JAM3: variants seen among roughly 807,000 people sequenced by gnomAD.
The protein encoded by JAM3 is junctional adhesion molecule 3.
A neutral mutation model predicts 39.4 loss-of-function variants in JAM3; 31 were observed. The ratio of observed to expected loss-of-function variants is 0.79; its 90% CI spans 0.59 to 1.06. JAM3 has a LOEUF of 1.06. Among genes scored for constraint, JAM3 ranks in the 50% least tolerant of loss-of-function variants. The pLI is 0.00. For missense variants in JAM3, 455 were observed against 391.4 expected (o/e 1.16, Z -1.37); for synonymous variants, 182 against 148.7 (o/e 1.22, Z -1.63).
At chr11:134,075,905 T>G (rs1201795904) in intron 1 of JAM3, among the ~76,000 whole-genome samples, 1 of 152,192 alleles carries the variant, frequency 6.6e-6, no homozygotes, top group African/African-American at 2.4e-5. Flanking sequence ...CCTTCAATAC[T>G]GTTAACCTCC....
At chr11:134,129,862 C>T (rs567472833) in intron 1 of JAM3, among the ~76,000 whole-genome samples, 6 of 152,130 alleles carry the variant, frequency 3.9e-5, no homozygotes, top group East Asian at 1.9e-4. Flanking sequence ...ATTAGCCGGG[C>T]GTGGTGGCAG....
At chr11:134,142,000 G>T (rs1012825722) in intron 3 of JAM3, among the ~76,000 whole-genome samples, 26 of 152,064 alleles carry the variant, frequency 1.7e-4, no homozygotes, top group African/African-American at 6.0e-4. Flanking sequence ...TCCCACTCAC[G>T]TGAAGTCCCT....
chr11:134,085,185 A>C (rs1941728362), intron 1 of JAM3, among the ~76,000 whole-genome samples: 1 of 152,190 alleles, frequency 6.6e-6, no homozygotes, highest in South Asian at 2.1e-4. Context: ...GTCAAAGGGT[A>C]TTTAGGATTA....
intron 1 of JAM3, among the ~76,000 whole-genome samples, chr11:134,115,434 G>T (rs1383356804): frequency 6.9e-6 from 1 of 144,666 alleles, no homozygotes; most frequent in Non-Finnish European, 1.5e-5. Context: ...TTGTTCTTTT[G>T]TTCTTTTTAT....
chr11:134,148,526 A>G (rs756778310), intron 6 of JAM3, 21 bp from the exon 7 acceptor site: 3 of 1,614,088 alleles, frequency 1.9e-6, no homozygotes, highest in Non-Finnish European at 2.5e-6. Flanking sequence ...CATGGCTTCC[A>G]CCAAACCTCC....
intron 1 of JAM3, among the ~76,000 whole-genome samples, chr11:134,073,782 G>T (rs138592442): frequency 1.3e-5 from 2 of 152,110 alleles, no homozygotes; most frequent in African/African-American, 4.8e-5. Flanking sequence ...TAATTTTTTT[G>T]TATCTTTCCA....
At chr11:134,143,232 C>A (rs184888799) in intron 3 of JAM3, among the ~76,000 whole-genome samples, 2 of 152,158 alleles carry the variant, frequency 1.3e-5, no homozygotes, top group Admixed American at 6.5e-5. Flanking sequence ...TTTCCCACAT[C>A]CTTACCAACA....
intron 1 of JAM3, among the ~76,000 whole-genome samples, chr11:134,118,875 C>A (rs1314828811): frequency 6.6e-6 from 1 of 151,860 alleles, no homozygotes; most frequent in Non-Finnish European, 1.5e-5. Context: ...CCAGGTTAGC[C>A]GTTTCTTCGA....
chr11:134,071,484 A>T (rs903791283), intron 1 of JAM3, among the ~76,000 whole-genome samples: 3 of 152,092 alleles, frequency 2.0e-5, no homozygotes, highest in African/African-American at 7.2e-5. Flanking sequence ...TCTTTTGTTG[A>T]CTCATGACAG....
At chr11:134,090,027 T>C (rs1941816603) in intron 1 of JAM3, among the ~76,000 whole-genome samples, 1 of 152,236 alleles carries the variant, frequency 6.6e-6, no homozygotes, top group Non-Finnish European at 1.5e-5. Flanking sequence ...GGTATCTCAC[T>C]GTGGTTTTGA....
intron 6 of JAM3, 101 bp downstream of exon 6, chr11:134,146,146 G>T: frequency 1.2e-6 from 1 of 859,440 alleles, no homozygotes; most frequent in Admixed American, 2.0e-5. Context: ...CTTCCGCCAT[G>T]GGTTAGCTTT....
At chr11:134,142,804 C>A (rs1943000386) in intron 3 of JAM3, among the ~76,000 whole-genome samples, 1 of 152,090 alleles carries the variant, frequency 6.6e-6, no homozygotes, top group Non-Finnish European at 1.5e-5. Context: ...AGCTCTGATT[C>A]CACTTTCTGT....
intron 1 of JAM3, among the ~76,000 whole-genome samples, chr11:134,116,870 A>C (rs553783186): frequency 6.6e-6 from 1 of 152,250 alleles, no homozygotes; most frequent in African/African-American, 2.4e-5. Context: ...ACTCAAATTC[A>C]GCACTACAGG....
At chr11:134,069,541 TGG>T (rs1941453688) in intron 1 of JAM3, among the ~76,000 whole-genome samples, 1 of 149,498 alleles carries the variant, frequency 6.7e-6, no homozygotes, top group African/African-American at 2.5e-5. Context: ...GGTCCTGTGC[TGG>T]GCGGTGGGCT....
chr11:134,108,600 C>G (rs1407093510), intron 1 of JAM3, among the ~76,000 whole-genome samples: 5 of 152,032 alleles, frequency 3.3e-5, no homozygotes. Flanking sequence ...AAAACAAAAA[C>G]AAAAACCAAC....
chr11:134,095,785 C>T (rs1941970804), intron 1 of JAM3, among the ~76,000 whole-genome samples: 1 of 152,124 alleles, frequency 6.6e-6, no homozygotes, highest in African/African-American at 2.4e-5. Context: ...TACTTTTTCG[C>T]CATCTTAGGA....
chr11:134,083,842 C>G (rs1941704964), intron 1 of JAM3, among the ~76,000 whole-genome samples: 1 of 152,174 alleles, frequency 6.6e-6, no homozygotes, highest in African/African-American at 2.4e-5. Flanking sequence ...ACCTTACCAT[C>G]ATGGCAGAAA....
At chr11:134,102,372 A>G (rs1390512947) in intron 1 of JAM3, among the ~76,000 whole-genome samples, 1 of 152,190 alleles carries the variant, frequency 6.6e-6, no homozygotes. Flanking sequence ...GTATGTCACC[A>G]TCATCGAGGA....
At chr11:134,105,363 AAG>A (rs997448224) in intron 1 of JAM3, among the ~76,000 whole-genome samples, 34 of 151,936 alleles carry the variant, frequency 2.2e-4, no homozygotes, top group Admixed American at 5.9e-4. Context: ...TCAAAATAAT[AAG>A]AGTTATTTAT....
Sources: allele counts gnomAD v4.1 joint callset (sites outside exome capture counted in the v4.1 genomes callset), GRCh38; gene constraint gnomAD v4.1.1; transcripts MANE v1.5; gene names NCBI Gene and HGNC (gene_info 2026-07-23, HGNC 2026-07-21).